Variants in SOX5 observed in about 807,000 individuals in gnomAD.
The protein encoded by SOX5 is transcription factor SOX-5.
A neutral mutation model predicts 92.0 loss-of-function variants in SOX5; 9 were observed. The observed-to-expected ratio is 0.10, with a 90% CI of 0.06 to 0.17. The LOEUF (loss-of-function observed/expected upper bound fraction) is 0.17. SOX5 is among the 10% of genes least tolerant of loss of function. The pLI is 1.00. For synonymous variants in SOX5, 344 were observed against 336.3 expected (o/e 1.02, Z -0.25); for missense variants, 642 against 944.5 (o/e 0.68, Z 4.20).
At chr12:23,896,772 C>T (rs531820416) in intron 1 of SOX5, among the ~76,000 whole-genome samples, 1 of 149,432 alleles carries the variant, frequency 6.7e-6, no homozygotes, top group Non-Finnish European at 1.5e-5. Flanking sequence ...TTTCACAACT[C>T]TATGAATGAT....
upstream of SOX5, among the ~76,000 whole-genome samples, chr12:23,953,760 C>G (rs1945944257): frequency 6.6e-6 from 1 of 151,998 alleles, no homozygotes; most frequent in Non-Finnish European, 1.5e-5. Context: ...TCTACAAGCA[C>G]AGATACACAA....
intron 4 of SOX5, among the ~76,000 whole-genome samples, chr12:24,040,128 G>T (rs747057455): frequency 6.6e-6 from 1 of 152,082 alleles, no homozygotes; most frequent in Non-Finnish European, 1.5e-5. Flanking sequence ...TTCCCAGGAA[G>T]ATAATGTTCC....
chr12:23,646,966 T>C (rs1489325949), intron 7 of SOX5, among the ~76,000 whole-genome samples: 1 of 152,218 alleles, frequency 6.6e-6, no homozygotes, highest in Admixed American at 6.5e-5. Context: ...CCATCAATCA[T>C]TAATGTTCTT....
chr12:23,672,679 C>T (rs75023688), intron 6 of SOX5, among the ~76,000 whole-genome samples: 259 of 152,080 alleles, frequency 1.7e-3, no homozygotes, highest in Non-Finnish European at 3.0e-3. Flanking sequence ...ATAATAGAAA[C>T]TGAAATATTA....
In SOX5 at chr12:24,498,204, A is replaced by G. The variant is rs142910799; in HGVS notation, c.-251+64125T>C. On this transcript the variant is annotated intron_variant, in intron 1 of 4. Coordinates refer to the SOX5 transcript ENST00000446891. ...GAACATCCTGCATATGTACCCCAGA[A>G]CTTAAAATGTAAAAAAAAAAAAATA... Among the ~76,000 whole-genome samples the G allele has an allele frequency of 2.0e-3, 296 of 151,782 alleles. 2 individuals carry two copies. The highest frequency in any genetic ancestry group is 6.9e-3 in the African/African-American group (285 of 41,086).
intron 4 of SOX5, among the ~76,000 whole-genome samples, chr12:24,102,048 T>C (rs1490565780): frequency 6.6e-6 from 1 of 152,180 alleles, no homozygotes; most frequent in Non-Finnish European, 1.5e-5. Flanking sequence ...TAACAAACAA[T>C]GAGGTTCCAA....
intron 3 of SOX5, among the ~76,000 whole-genome samples, chr12:23,834,102 G>A (rs930404426): frequency 2.0e-5 from 3 of 151,932 alleles, no homozygotes; most frequent in Non-Finnish European, 2.9e-5. Context: ...AGACTGACTC[G>A]AATTCTGACA....
chr12:24,274,153 G>T (rs1002334193), intron 3 of SOX5, among the ~76,000 whole-genome samples: 1 of 151,974 alleles, frequency 6.6e-6, no homozygotes, highest in Non-Finnish European at 1.5e-5. Context: ...TCTTAATTTT[G>T]CCATTCAACT....
intron 3 of SOX5, among the ~76,000 whole-genome samples, chr12:23,768,078 T>A (rs2094799527): frequency 6.6e-6 from 1 of 152,156 alleles, no homozygotes. Context: ...TTTAAAAGAA[T>A]GACATTTTCA....
intron 2 of SOX5, among the ~76,000 whole-genome samples, chr12:23,860,152 A>C (rs754816942): frequency 1.3e-5 from 2 of 152,142 alleles, no homozygotes; most frequent in Non-Finnish European, 2.9e-5. Flanking sequence ...CTTGGGGGGA[A>C]ACGGTGGGAG....
chr12:23,768,725 C>T (rs1033864717), intron 3 of SOX5, among the ~76,000 whole-genome samples: 17 of 151,570 alleles, frequency 1.1e-4, no homozygotes, highest in African/African-American at 2.9e-4. Context: ...AATATTTTCA[C>T]GTAAGAAATC....
chr12:24,427,323 C>G (rs933857889), intron 1 of SOX5, among the ~76,000 whole-genome samples: 49 of 152,310 alleles, frequency 3.2e-4, no homozygotes, highest in Non-Finnish European at 2.8e-4. Context: ...TGTCCCAGAA[C>G]TGTTGGTTTA....
intron 8 of SOX5, among the ~76,000 whole-genome samples, chr12:23,616,403 G>A (rs2076559148): frequency 6.6e-6 from 1 of 152,186 alleles, no homozygotes; most frequent in African/African-American, 2.4e-5. Flanking sequence ...AAAAGTGATT[G>A]GGGAAAGGTG....
chr12:24,089,378 C>T (rs895749158), intron 4 of SOX5, among the ~76,000 whole-genome samples: 1 of 152,034 alleles, frequency 6.6e-6, no homozygotes, highest in Non-Finnish European at 1.5e-5. Context: ...TCTAGTCCCA[C>T]AAATTGATAT....
chr12:24,080,741 A>G (rs1943227147), intron 4 of SOX5, among the ~76,000 whole-genome samples: 1 of 151,980 alleles, frequency 6.6e-6, no homozygotes, highest in Non-Finnish European at 1.5e-5. Flanking sequence ...AGGATTCTAC[A>G]GCTATGGCAC....
intron 3 of SOX5, among the ~76,000 whole-genome samples, chr12:24,270,464 T>C (rs1468155782): frequency 2.0e-5 from 3 of 152,198 alleles, no homozygotes; most frequent in Admixed American, 6.5e-5. Context: ...ACTTAAAGCA[T>C]AAAACACCAC....
intron 1 of SOX5, among the ~76,000 whole-genome samples, chr12:23,949,256 G>C (rs1032709543): frequency 1.3e-5 from 2 of 152,176 alleles, no homozygotes; most frequent in African/African-American, 4.8e-5. Context: ...AAGGAAGAAA[G>C]TAAGAGAGTG....
At chr12:23,641,527 T>A (rs150857769) in intron 7 of SOX5, among the ~76,000 whole-genome samples, 51 of 152,234 alleles carry the variant, frequency 3.4e-4, no homozygotes, top group African/African-American at 1.2e-3. Flanking sequence ...CCCCCGACAT[T>A]TTTTATCTAT....
chr12:24,238,941 C>G (rs1203173201), intron 3 of SOX5, among the ~76,000 whole-genome samples: 1 of 152,134 alleles, frequency 6.6e-6, no homozygotes, highest in African/African-American at 2.4e-5. Flanking sequence ...TTTTATTTCC[C>G]AATTGTTCAT....
Sources: gnomAD v4.1 joint callset for allele counts (sites outside exome capture counted in the v4.1 genomes callset) on GRCh38, gnomAD v4.1.1 for gene constraint, MANE v1.5 for transcripts, NCBI Gene and HGNC (gene_info 2026-07-23, HGNC 2026-07-21) for gene names.